Variants in MICU3 observed in about 807,000 individuals in gnomAD.
MICU3 encodes the protein mitochondrial calcium uptake 3.
A neutral mutation model predicts 66.5 loss-of-function variants in MICU3; 62 were observed. The observed-to-expected ratio is 0.93, with a 90% confidence interval of 0.76 to 1.15. The LOEUF (loss-of-function observed/expected upper bound fraction) is 1.15. Among genes scored for constraint, MICU3 ranks in the 50% most tolerant of loss-of-function variants. The pLI, the probability that MICU3 is intolerant of heterozygous loss-of-function variation, is 0.00. For missense variants in MICU3, 779 were observed against 664.4 expected, an observed-to-expected ratio of 1.17 and a Z score of -1.90; for synonymous variants, 308 against 240.7, an observed-to-expected ratio of 1.28 and a Z score of -2.59.
chr8:17,066,543 A>AGAG (rs1554518402), intron 2 of MICU3, among the ~76,000 whole-genome samples: 1 of 104,914 alleles, frequency 9.5e-6, no homozygotes, highest in Non-Finnish European at 1.8e-5. Flanking sequence ...ATATATATAG[A>AGAG]TTTTTTTTTT....
At chr8:17,030,830 A>C (rs12677705) in intron 1 of MICU3, among the ~76,000 whole-genome samples, 1 of 152,014 alleles carries the variant, frequency 6.6e-6, no homozygotes, top group Non-Finnish European at 1.5e-5. Context: ...CCTTACTTCT[A>C]TTTGGTCTCT....
intron 1 of MICU3, among the ~76,000 whole-genome samples, chr8:17,040,363 T>C (rs774902237): frequency 6.6e-6 from 1 of 152,230 alleles, no homozygotes; most frequent in Non-Finnish European, 1.5e-5. Flanking sequence ...TAAATTACAA[T>C]TTTTCTAATT....
chr8:17,069,560 TA>T, intron 2 of MICU3, 127 bp from the exon 3 acceptor site: 1 of 447,422 alleles, frequency 2.2e-6, no homozygotes. Flanking sequence ...ATTTTGAGGT[TA>T]AAAGAAAACT....
At chr8:17,109,231 A>C (rs1229209988) in intron 11 of MICU3, among the ~76,000 whole-genome samples, 3 of 152,088 alleles carry the variant, frequency 2.0e-5, no homozygotes, top group Non-Finnish European at 4.4e-5. Context: ...TGTTTTATGT[A>C]TATGTATGCA....
At chr8:17,049,979 A>G (rs1455623336) in intron 1 of MICU3, among the ~76,000 whole-genome samples, 1 of 152,060 alleles carries the variant, frequency 6.6e-6, no homozygotes, top group Admixed American at 6.5e-5. Flanking sequence ...CTCTAGATCT[A>G]CCATACCCCT....
chr8:17,104,677 A>G (rs113172575), intron 10 of MICU3, among the ~76,000 whole-genome samples, 186 bp downstream of exon 10: 2,142 of 152,086 alleles, frequency 0.014, 60 homozygotes, highest in African/African-American at 0.049. Flanking sequence ...TAATTATAAC[A>G]GGAAGTTACT....
chr8:17,090,470 T>G, intron 7 of MICU3, 76 bp from the exon 8 acceptor site: 1 of 1,311,866 alleles, frequency 7.6e-7, no homozygotes, highest in South Asian at 1.3e-5. Context: ...TGTCGTCTTT[T>G]TCCTTTTTTC....
the MICU3 span, chr8:17,132,370 A>C: frequency 6.6e-6 from 1 of 152,274 alleles, no homozygotes; most frequent in African/African-American, 2.4e-5. Flanking sequence ...AGAACCTGGT[A>C]GAGTAATTCA....
At chr8:17,045,865 C>A (rs1260034467) in intron 1 of MICU3, among the ~76,000 whole-genome samples, 2 of 152,306 alleles carry the variant, frequency 1.3e-5, no homozygotes, top group East Asian at 3.9e-4. Flanking sequence ...TCTCATGAGA[C>A]TTAGTCACTG....
intron 5 of MICU3, 187 bp downstream of exon 5, chr8:17,081,927 C>G: frequency 2.3e-6 from 1 of 435,646 alleles, no homozygotes; most frequent in South Asian, 2.3e-5. Flanking sequence ...AATGCTACAG[C>G]TTATGGTATA....
chr8:17,050,816 C>G (rs1815944641), intron 1 of MICU3, among the ~76,000 whole-genome samples: 1 of 152,038 alleles, frequency 6.6e-6, no homozygotes, highest in African/African-American at 2.4e-5. Flanking sequence ...ATTTTTATGG[C>G]TTTTTAAAAA....
chr8:17,098,704 A>G lies in MICU3; in HGVS notation c.984+151A>G, dbSNP rs1260155316. 3.8e-5 allele frequency: 21 copies of G among 550,516 alleles called. No individual in the cohort carries two copies. In the East Asian group the frequency reaches 4.0e-4, roughly 10 times the overall value. 34.1% of individuals were successfully genotyped at this position (550,516 alleles called of 1,614,324 possible). ...AAAAATTACTATATATAAACTGTGT[A>G]TTTGAATACATCAGCTTTGACAGTT... On this transcript the variant is annotated intron_variant, in intron 9 of 14. Coordinates refer to ENST00000318063, the MANE Select transcript of MICU3 (RefSeq NM_181723.3).
At chr8:17,092,262 T>A (rs1003785877) in intron 8 of MICU3, among the ~76,000 whole-genome samples, 1 of 152,058 alleles carries the variant, frequency 6.6e-6, no homozygotes, top group African/African-American at 2.4e-5. Flanking sequence ...CTTAATCTCA[T>A]AAGCAGTTTT....
chr8:17,073,526 A>G (rs555897675), intron 3 of MICU3, among the ~76,000 whole-genome samples: 51 of 152,184 alleles, frequency 3.4e-4, no homozygotes, highest in Non-Finnish European at 4.1e-4. Flanking sequence ...GATGAGATGT[A>G]TAATTATTTC....
At chr8:17,102,173 T>C (rs1208003666) in intron 9 of MICU3, among the ~76,000 whole-genome samples, 1 of 151,848 alleles carries the variant, frequency 6.6e-6, no homozygotes, top group East Asian at 1.9e-4. Context: ...TTCCCCCTTC[T>C]GATCTACTCT....
At chr8:17,054,804 T>G (rs1190096759) in intron 1 of MICU3, among the ~76,000 whole-genome samples, 3 of 147,992 alleles carry the variant, frequency 2.0e-5, no homozygotes, top group Non-Finnish European at 4.4e-5. Context: ...AGTGGCACGA[T>G]GTCAGCTCAC....
chr8:17,106,058 G>A (rs1801711657), intron 11 of MICU3, among the ~76,000 whole-genome samples: 1 of 151,970 alleles, frequency 6.6e-6, no homozygotes, highest in Non-Finnish European at 1.5e-5. Flanking sequence ...TGTCATGAAT[G>A]GTTAAGAACC....
chr8:17,135,560 C>G, the MICU3 span, among the ~76,000 whole-genome samples: 1 of 152,046 alleles, frequency 6.6e-6, no homozygotes, highest in Non-Finnish European at 1.5e-5. Context: ...AGTCATATTA[C>G]ATGCAAACTA....
the MICU3 span, among the ~76,000 whole-genome samples, chr8:17,138,145 G>A: frequency 6.6e-6 from 1 of 152,112 alleles, no homozygotes; most frequent in African/African-American, 2.4e-5. Flanking sequence ...AAACTCTTAA[G>A]AGAATTTGAT....
Sources: gnomAD v4.1 joint callset for allele counts (sites outside exome capture counted in the v4.1 genomes callset) on GRCh38, gnomAD v4.1.1 for gene constraint, MANE v1.5 for transcripts, NCBI Gene and HGNC (gene_info 2026-07-23, HGNC 2026-07-21) for gene names.